The following AQR variants were observed in gnomAD, a reference collection of about 807,000 sequenced individuals.
The protein encoded by AQR is aquarius intron-binding spliceosomal factor.
AQR carries 61 observed loss-of-function variants against 180.5 expected under a neutral mutation model. The ratio of observed to expected loss-of-function variants is 0.34; its 90% CI spans 0.28 to 0.42. The LOEUF is 0.42. AQR is among the 10% of genes least tolerant of loss of function. The pLI, the probability that AQR is intolerant of heterozygous loss-of-function variation, is 1.00. For synonymous variants in AQR, 551 were observed against 588.8 expected (o/e 0.94, Z 0.93); for missense variants, 1,281 against 1,798.3 (o/e 0.71, Z 5.20).
intron 23 of AQR, among the ~76,000 whole-genome samples, chr15:34,891,661 T>C (rs1295681883): frequency 6.6e-6 from 1 of 152,052 alleles, no homozygotes; most frequent in African/African-American, 2.4e-5. Flanking sequence ...CAGTAAAAAA[T>C]ATGTTAAAAC....
intron 23 of AQR, among the ~76,000 whole-genome samples, chr15:34,892,815 C>T (rs1893170981): frequency 6.6e-6 from 1 of 152,140 alleles, no homozygotes; most frequent in Admixed American, 6.5e-5. Flanking sequence ...TTGACTATCT[C>T]ATATAATTTA....
At chr15:34,884,383 G>A (rs893772193) in intron 26 of AQR, 142 bp downstream of exon 26, 8 of 688,302 alleles carry the variant, frequency 1.2e-5, no homozygotes, top group African/African-American at 1.1e-4. Flanking sequence ...TCCAGCCTGG[G>A]CAACAGGGCA....
At chr15:34,921,976 A>G (rs1321126227) in intron 13 of AQR, among the ~76,000 whole-genome samples, 1 of 152,026 alleles carries the variant, frequency 6.6e-6, no homozygotes, top group Non-Finnish European at 1.5e-5. Context: ...ACACTCGGCT[A>G]AATTTTTGTA....
At chr15:34,895,723 T>C (rs1206944574) in intron 22 of AQR, among the ~76,000 whole-genome samples, 4 of 151,700 alleles carry the variant, frequency 2.6e-5, no homozygotes, top group African/African-American at 4.8e-5. Flanking sequence ...TTGACAGAAC[T>C]AAAGGAGAAA....
intron 9 of AQR, 130 bp downstream of exon 9, chr15:34,938,607 G>A (rs1415985855): frequency 1.7e-6 from 1 of 600,034 alleles, no homozygotes. Context: ...ATTTAAAAAG[G>A]AGAGGACATA....
chr15:34,901,275 T>TC (rs1464555785), intron 19 of AQR, among the ~76,000 whole-genome samples: 1 of 152,212 alleles, frequency 6.6e-6, no homozygotes, highest in Non-Finnish European at 1.5e-5. Context: ...ATTCCATAGT[T>TC]CTTTAATGCT....
intron 17 of AQR, 133 bp downstream of exon 17, chr15:34,910,002 A>G: frequency 9.4e-7 from 1 of 1,063,708 alleles, no homozygotes; most frequent in Non-Finnish European, 1.3e-6. Flanking sequence ...GCTATTCTTT[A>G]AATCAAATTT....
In AQR at chr15:34,854,540, G is replaced by A. The variant is rs1892561067; in HGVS notation, c.*2252C>T. 6.6e-6 allele frequency: 1 copy of A among 152,106 alleles called. No individual in the cohort carries two copies. Among genetic ancestry groups the A allele is most frequent in the Admixed American group, 6.5e-5 (1 of 15,272 alleles). The allele number at this position is 152,106 out of a possible 1,614,324, so 9.4% of individuals were successfully genotyped here. A position where few individuals can be genotyped will look rare whatever the true frequency, so the allele number is the denominator to read the frequency against. ...TTCCTCATTATTTAAAATAAGTACA[G>A]CTCTTAAATTCCTTCAAAAATTCCC... On this transcript the variant is annotated 3_prime_UTR_variant, in exon 35 of 35. Coordinates refer to ENST00000156471, the MANE Select transcript of AQR (RefSeq NM_014691.3).
At position 34,938,832 on chromosome 15, in the gene AQR, T is replaced by C. The variant is rs190344397; in HGVS notation, c.642-19A>G. 1.6e-3 allele frequency: 2,452 copies of C among 1,544,822 alleles called. 4 individuals carry two copies. The highest frequency in any genetic ancestry group is 2.1e-3 in the Admixed American group (122 of 56,780). ...ATATGCCCTAAAATCAGAAAGAACA[T>C]TGACCAATTATTTTTGAAGAATAGT... On this transcript the variant is annotated intron_variant, in intron 8 of 34. Coordinates refer to ENST00000156471, the MANE Select transcript of AQR (RefSeq NM_014691.3).
At chr15:34,868,961 T>C (rs1010510680) in intron 31 of AQR, 6 of 152,208 alleles carry the variant, frequency 3.9e-5, no homozygotes, top group Non-Finnish European at 8.8e-5. Context: ...TAAATATTCA[T>C]GTACAAATAT....
intron 13 of AQR, among the ~76,000 whole-genome samples, chr15:34,921,523 T>C (rs1205393116): frequency 6.6e-6 from 1 of 150,432 alleles, no homozygotes; most frequent in Admixed American, 6.6e-5. Context: ...TTGAATGAAA[T>C]AAGACTATAA....
At chr15:34,929,533 G>A (rs1230057312) in intron 12 of AQR, among the ~76,000 whole-genome samples, 1 of 152,114 alleles carries the variant, frequency 6.6e-6, no homozygotes, top group Non-Finnish European at 1.5e-5. Flanking sequence ...TCTCTGTTCT[G>A]CTCCATTGGT....
chr15:34,893,132 A>G (rs1893176117), intron 23 of AQR, among the ~76,000 whole-genome samples: 2 of 152,162 alleles, frequency 1.3e-5, no homozygotes, highest in Admixed American at 1.3e-4. Flanking sequence ...CACTCAGACA[A>G]AAAGTTTTCT....
At chr15:34,929,510 G>A (rs1204319908) in intron 12 of AQR, among the ~76,000 whole-genome samples, 1 of 152,148 alleles carries the variant, frequency 6.6e-6, no homozygotes, top group African/African-American at 2.4e-5. Context: ...GATGTGTGGT[G>A]TTATTTCTGA....
At chr15:34,947,758 A>G (rs547267577) in intron 5 of AQR, among the ~76,000 whole-genome samples, 2 of 152,002 alleles carry the variant, frequency 1.3e-5, no homozygotes, top group African/African-American at 4.8e-5. Context: ...TCTTGCATCA[A>G]TCTCCCAAGT....
intron 27 of AQR, among the ~76,000 whole-genome samples, chr15:34,878,385 C>CAAAAA (rs5811839): frequency 7.2e-5 from 3 of 41,654 alleles, no homozygotes; most frequent in Admixed American, 2.7e-4. Context: ...GACTCTGTCT[C>CAAAAA]AAAAAAAAAA....
At chr15:34,892,402 A>C (rs1893163576) in intron 23 of AQR, among the ~76,000 whole-genome samples, 1 of 152,220 alleles carries the variant, frequency 6.6e-6, no homozygotes, top group Non-Finnish European at 1.5e-5. Flanking sequence ...TAATGCTTAT[A>C]ATCTCCAAGT....
chr15:34,963,964 A>G (rs542179488), intron 2 of AQR, among the ~76,000 whole-genome samples: 12 of 152,302 alleles, frequency 7.9e-5, no homozygotes, highest in Admixed American at 6.5e-4. Context: ...GCCCAGCCAC[A>G]TACACATTTT....
At chr15:34,877,761 T>C (rs1353205825) in intron 27 of AQR, among the ~76,000 whole-genome samples, 1 of 152,246 alleles carries the variant, frequency 6.6e-6, no homozygotes, top group Non-Finnish European at 1.5e-5. Flanking sequence ...ACTTGCTCCA[T>C]GTATTTATTA....
Sources: gnomAD v4.1 joint callset for allele counts (sites outside exome capture counted in the v4.1 genomes callset) on GRCh38, gnomAD v4.1.1 for gene constraint, MANE v1.5 for transcripts, NCBI Gene and HGNC (gene_info 2026-07-23, HGNC 2026-07-21) for gene names.